NEGR1: variants seen among roughly 807,000 people sequenced by gnomAD.
NEGR1 encodes neuronal growth regulator 1.
A neutral mutation model predicts 40.9 loss-of-function variants in NEGR1; 10 were observed. The ratio of observed to expected loss-of-function variants is 0.24; its 90% CI spans 0.15 to 0.42. The LOEUF (loss-of-function observed/expected upper bound fraction) is 0.42. NEGR1 is among the 10% of genes least tolerant of loss of function. NEGR1 has a pLI of 1.00. For synonymous variants in NEGR1, 185 were observed against 166.8 expected, an observed-to-expected ratio of 1.11 and a Z score of -0.84; for missense variants, 352 against 438.9, an observed-to-expected ratio of 0.80 and a Z score of 1.77.
chr1:72,209,698 C>T (rs1653530488), intron 1 of NEGR1, among the ~76,000 whole-genome samples: 1 of 151,758 alleles, frequency 6.6e-6, no homozygotes, highest in African/African-American at 2.4e-5. Flanking sequence ...CTTCTTTTAA[C>T]ATTGTCTTTC....
intron 4 of NEGR1, among the ~76,000 whole-genome samples, chr1:71,649,128 T>C (rs1557599662): frequency 6.6e-6 from 1 of 152,060 alleles, no homozygotes; most frequent in Non-Finnish European, 1.5e-5. Flanking sequence ...TTAATAAAAG[T>C]AATGCCAATT....
At chr1:71,615,132 T>C (rs1478491764) in intron 4 of NEGR1, among the ~76,000 whole-genome samples, 2 of 152,208 alleles carry the variant, frequency 1.3e-5, no homozygotes, top group African/African-American at 4.8e-5. Flanking sequence ...AAAACCTCTA[T>C]TGATTTTACT....
chr1:72,013,741 A>C (rs534137548), intron 1 of NEGR1, among the ~76,000 whole-genome samples: 1 of 151,872 alleles, frequency 6.6e-6, no homozygotes, highest in Admixed American at 6.6e-5. Flanking sequence ...AAAAAACTTT[A>C]TTCTGGTTAG....
At chr1:72,128,476 C>T (rs1160613141) in intron 1 of NEGR1, among the ~76,000 whole-genome samples, 2 of 151,874 alleles carry the variant, frequency 1.3e-5, no homozygotes, top group African/African-American at 2.4e-5. Flanking sequence ...GAAATTGAAA[C>T]ACAATAATAG....
intron 1 of NEGR1, among the ~76,000 whole-genome samples, chr1:72,164,885 G>C (rs893226702): frequency 6.6e-6 from 1 of 152,000 alleles, no homozygotes; most frequent in Non-Finnish European, 1.5e-5. Context: ...TGTCATTTTT[G>C]TATGCTAAGT....
At chr1:71,523,973 T>C (rs1258622775) in intron 6 of NEGR1, among the ~76,000 whole-genome samples, 1 of 151,950 alleles carries the variant, frequency 6.6e-6, no homozygotes. Flanking sequence ...TTCTTCTAAA[T>C]GCAAAATCTT....
chr1:71,505,874 A>G (rs11799518), intron 6 of NEGR1, among the ~76,000 whole-genome samples: 19,922 of 152,112 alleles, frequency 0.13, 1,901 homozygotes, highest in African/African-American at 0.27. Context: ...CCTAATTTCT[A>G]GGTAGAGGAG....
intron 1 of NEGR1, among the ~76,000 whole-genome samples, chr1:72,130,733 C>T (rs1192175866): frequency 2.0e-5 from 3 of 152,148 alleles, no homozygotes; most frequent in African/African-American, 7.2e-5. Flanking sequence ...ATTCTGACCT[C>T]CTCAGCCAAC....
chr1:72,091,898 C>CGTGT (rs150316693), intron 1 of NEGR1, among the ~76,000 whole-genome samples: 6 of 151,158 alleles, frequency 4.0e-5, no homozygotes, highest in Admixed American at 2.6e-4. Context: ...CCTCACATAA[C>CGTGT]GTGTGTGTGT....
chr1:72,200,488 G>T (rs1024217670), intron 1 of NEGR1, among the ~76,000 whole-genome samples: 3 of 151,800 alleles, frequency 2.0e-5, no homozygotes, highest in African/African-American at 7.3e-5. Context: ...ACACAAAGAT[G>T]GCAACAATAG....
intron 1 of NEGR1, among the ~76,000 whole-genome samples, chr1:72,131,967 C>T (rs1344294191): frequency 6.6e-6 from 1 of 152,008 alleles, no homozygotes; most frequent in African/African-American, 2.4e-5. Flanking sequence ...GGCGTGGTAG[C>T]ACATGCCTAT....
chr1:72,247,882 C>G (rs1000175591), intron 1 of NEGR1, among the ~76,000 whole-genome samples: 1 of 152,106 alleles, frequency 6.6e-6, no homozygotes, highest in Non-Finnish European at 1.5e-5. Context: ...GTTCTGCAGG[C>G]TTTTTAAGAA....
chr1:71,576,774 T>A (rs929375571), intron 6 of NEGR1, among the ~76,000 whole-genome samples: 3 of 152,206 alleles, frequency 2.0e-5, no homozygotes, highest in African/African-American at 7.2e-5. Flanking sequence ...TGGAGAAGTA[T>A]TTATAAAAGG....
chr1:72,281,145 G>T (rs943597253), intron 1 of NEGR1, among the ~76,000 whole-genome samples: 5 of 152,164 alleles, frequency 3.3e-5, no homozygotes, highest in Non-Finnish European at 7.3e-5. Flanking sequence ...TCAGAGGAAA[G>T]AAGGGAAAAT....
chr1:71,997,476 T>A (rs1646515196), intron 1 of NEGR1, among the ~76,000 whole-genome samples: 1 of 151,994 alleles, frequency 6.6e-6, no homozygotes, highest in African/African-American at 2.4e-5. Flanking sequence ...CCATGAAGCA[T>A]CATCTAATAC....
intron 1 of NEGR1, among the ~76,000 whole-genome samples, chr1:71,982,035 T>G (rs1432683408): frequency 6.6e-6 from 1 of 152,206 alleles, no homozygotes; most frequent in Non-Finnish European, 1.5e-5. Context: ...CAATGAGCAA[T>G]GTCCTATAAA....
At chr1:72,102,914 T>A in intron 1 of NEGR1, among the ~76,000 whole-genome samples, 1 of 152,194 alleles carries the variant, frequency 6.6e-6, no homozygotes, top group Non-Finnish European at 1.5e-5. Flanking sequence ...TTAAAAGTTT[T>A]GCTAGGTTAG....
At chr1:71,669,566 C>T (rs1652348332) in intron 4 of NEGR1, among the ~76,000 whole-genome samples, 1 of 152,138 alleles carries the variant, frequency 6.6e-6, no homozygotes, top group South Asian at 2.1e-4. Flanking sequence ...ATTACTTTTA[C>T]AATTTCACCT....
intron 1 of NEGR1, among the ~76,000 whole-genome samples, chr1:72,276,316 G>A (rs1040073984): frequency 1.3e-5 from 2 of 151,980 alleles, no homozygotes; most frequent in African/African-American, 4.8e-5. Flanking sequence ...TATCACCTCA[G>A]ATGTTACTCT....
Sources: gnomAD v4.1 joint callset for allele counts (sites outside exome capture counted in the v4.1 genomes callset) on GRCh38, gnomAD v4.1.1 for gene constraint, MANE v1.5 for transcripts, NCBI Gene and HGNC (gene_info 2026-07-23, HGNC 2026-07-21) for gene names.